SGMS2: variants seen among roughly 807,000 people sequenced by gnomAD.
SGMS2 encodes phosphatidylcholine:ceramide cholinephosphotransferase 2.
SGMS2 carries 21 observed loss-of-function variants against 43.8 expected under a neutral mutation model. The observed-to-expected ratio is 0.48, with a 90% CI of 0.34 to 0.69. The LOEUF (loss-of-function observed/expected upper bound fraction) is 0.69. Among genes scored for constraint, SGMS2 ranks in the 30% least tolerant of loss-of-function variants. The pLI is 0.01. For missense variants in SGMS2, 384 were observed against 443.2 expected (o/e 0.87, Z 1.20); for synonymous variants, 167 against 160.6 (o/e 1.04, Z -0.30).
At position 107,914,209 on chromosome 4, in the gene SGMS2, T is replaced by C. The variant is rs1732311916; in HGVS notation, c.*3656T>C. 1 of 152,122 alleles carries C rather than the reference T, an allele frequency of 6.6e-6. No individual in the cohort carries two copies. The highest frequency in any genetic ancestry group is 1.5e-5 in the Non-Finnish European group (1 of 67,966). The allele number at this position is 152,122 out of a possible 1,614,324, so 9.4% of individuals were successfully genotyped here. A position where few individuals can be genotyped will look rare whatever the true frequency, so the allele number is the denominator to read the frequency against. ...TTCAACACCCAAACACTGAAAATCATGTCAATGTTACCCAAAGATAAGTTT... is the reference window on the plus strand; with the variant it reads ...TTCAACACCCAAACACTGAAAATCACGTCAATGTTACCCAAAGATAAGTTT... On this transcript the variant is annotated 3_prime_UTR_variant, in exon 7 of 7. Transcript: ENST00000690982.
Position 107,912,223 on chromosome 4 carries a change from A to G in SGMS2, c.*1670A>G, listed in dbSNP as rs552335757. ...CAGAATGGCTTTTTCTGTATGTTAT[A>G]GAATAATCACTAAAGGAAAGGTAGT... On this transcript the variant is annotated 3_prime_UTR_variant, in exon 7 of 7. Coordinates refer to ENST00000690982, the MANE Select transcript of SGMS2 (RefSeq NM_001375905.1). The G allele has an allele frequency of 2.0e-5, 3 of 152,316 alleles. No homozygotes were observed. In the South Asian group the frequency reaches 6.2e-4, roughly 32 times the overall value. The allele number at this position is 152,316 out of a possible 1,614,324, so 9.4% of individuals were successfully genotyped here. A position where few individuals can be genotyped will look rare whatever the true frequency, so the allele number is the denominator to read the frequency against.
At chr4:107,833,284 G>A (rs1168878189) in intron 1 of SGMS2, among the ~76,000 whole-genome samples, 5 of 152,120 alleles carry the variant, frequency 3.3e-5, no homozygotes, top group African/African-American at 4.8e-5. Flanking sequence ...AATCTTTATC[G>A]GAGGAGAGTA....
intron 2 of SGMS2, among the ~76,000 whole-genome samples, chr4:107,863,034 A>T (rs1473920799): frequency 6.6e-6 from 1 of 152,210 alleles, no homozygotes; most frequent in Non-Finnish European, 1.5e-5. Context: ...TTACTGGGCA[A>T]ACATGGATAG....
At chr4:107,882,608 C>A (rs1437738396) in intron 2 of SGMS2, among the ~76,000 whole-genome samples, 2 of 152,004 alleles carry the variant, frequency 1.3e-5, no homozygotes, top group African/African-American at 4.8e-5. Context: ...AACAATATTT[C>A]TTAGGGTTGT....
At chr4:107,855,562 G>A (rs887442011) in intron 1 of SGMS2, among the ~76,000 whole-genome samples, 4 of 152,138 alleles carry the variant, frequency 2.6e-5, no homozygotes, top group African/African-American at 9.7e-5. Flanking sequence ...GGATATAATA[G>A]TGACTTTTTT....
At chr4:107,836,598 A>T (rs1298023001) in intron 1 of SGMS2, among the ~76,000 whole-genome samples, 1 of 152,198 alleles carries the variant, frequency 6.6e-6, no homozygotes, top group Non-Finnish European at 1.5e-5. Context: ...GCATCAATAC[A>T]TTTAACTCCT....
chr4:107,896,122 C>T (rs986365164), intron 3 of SGMS2, 114 bp downstream of exon 3: 4 of 945,900 alleles, frequency 4.2e-6, no homozygotes, highest in South Asian at 3.4e-5. Flanking sequence ...CTTACCCAAA[C>T]ATTTGATGAA....
intron 1 of SGMS2, among the ~76,000 whole-genome samples, chr4:107,855,048 C>G (rs1301598508): frequency 6.6e-6 from 1 of 152,042 alleles, no homozygotes; most frequent in African/African-American, 2.4e-5. Context: ...AGTTGAGAGC[C>G]AAATATGCAG....
Position 107,884,159 on chromosome 4 carries a change from C to T in SGMS2, c.-244-11151C>T, listed in dbSNP as rs182286325. On this transcript the variant is annotated intron_variant, in intron 2 of 6. Transcript: ENST00000690982. ...AAAACTAAGCTGTGCTTTCATGAAG[C>T]CCTGTGAACTGAAGCTAGACAACTT... Among the ~76,000 whole-genome samples the T allele has an allele frequency of 1.2e-4, 19 of 152,246 alleles. No homozygotes were observed. In the East Asian group the frequency reaches 2.3e-3, roughly 19 times the overall value.
At chr4:107,857,152 A>G (rs1165382807) in intron 1 of SGMS2, among the ~76,000 whole-genome samples, 1 of 152,214 alleles carries the variant, frequency 6.6e-6, no homozygotes, top group East Asian at 1.9e-4. Context: ...TTCACTTAGA[A>G]TAATGTTGTC....
intron 1 of SGMS2, among the ~76,000 whole-genome samples, chr4:107,830,619 C>G (rs961623982): frequency 1.3e-5 from 2 of 152,082 alleles, no homozygotes; most frequent in African/African-American, 4.8e-5. Context: ...TTGCATTTCT[C>G]TAGTAATTAA....
At chr4:107,887,032 G>T (rs1227468884) in intron 2 of SGMS2, among the ~76,000 whole-genome samples, 3 of 152,116 alleles carry the variant, frequency 2.0e-5, no homozygotes, top group African/African-American at 7.2e-5. Flanking sequence ...TCCTGACTCT[G>T]AAAAACAAAG....
rs535081837 is a variant in SGMS2 at position 107,882,320 on chromosome 4, A to C, written c.-244-12990A>C. Among the ~76,000 whole-genome samples the C allele has an allele frequency of 7.9e-5, 12 of 152,220 alleles. No individual in the cohort carries two copies. In the East Asian group the frequency reaches 1.9e-3, roughly 25 times the overall value. On this transcript the variant is annotated intron_variant, in intron 2 of 6. Coordinates refer to ENST00000690982, the MANE Select transcript of SGMS2 (RefSeq NM_001375905.1). The stretch of plus-strand genomic sequence containing the variant: ...AAGCTGTTTTAACTGGGGTTAGATG[A>C]TATCTCATTGTAGTTTTGATTTGTA...
chr4:107,896,854 C>T (rs1347825759), intron 3 of SGMS2, among the ~76,000 whole-genome samples: 1 of 152,136 alleles, frequency 6.6e-6, no homozygotes, highest in Non-Finnish European at 1.5e-5. Flanking sequence ...TCCTCCTTTC[C>T]TCTCATTCAT....
intron 1 of SGMS2, among the ~76,000 whole-genome samples, chr4:107,848,046 C>T (rs151308113): frequency 6.6e-6 from 1 of 152,228 alleles, no homozygotes; most frequent in East Asian, 1.9e-4. Context: ...TTTCACTGCC[C>T]TAAAAGTCTG....
intron 2 of SGMS2, among the ~76,000 whole-genome samples, chr4:107,887,412 A>G (rs1729845258): frequency 6.6e-6 from 1 of 152,240 alleles, no homozygotes; most frequent in African/African-American, 2.4e-5. Context: ...GATAATGTAC[A>G]TTAAGTCATA....
chr4:107,880,276 G>A (rs989877212), intron 2 of SGMS2, among the ~76,000 whole-genome samples: 3 of 152,088 alleles, frequency 2.0e-5, no homozygotes, highest in Non-Finnish European at 4.4e-5. Context: ...AAAAGATATA[G>A]GACTTAGTTA....
At position 107,824,988 on chromosome 4, in the gene SGMS2, C is replaced by G. The variant is rs1461041449; in HGVS notation, c.-592C>G. ...GGGGAGACCCAGCCCTCGGCGCGCA[C>G]GGAGCCTGGCCGGTGCTGCAGCGCC... On this transcript the variant is annotated 5_prime_UTR_variant, in exon 1 of 7. Transcript: ENST00000690982. 2.6e-5 allele frequency: 4 copies of G among 151,412 alleles called. No individual in the cohort carries two copies. The highest frequency in any genetic ancestry group is 5.9e-5 in the Non-Finnish European group (4 of 67,890). 9.4% of individuals were successfully genotyped at this position (151,412 alleles called of 1,614,324 possible).
Position 107,896,456 on chromosome 4 carries a change from A to G in SGMS2, c.455+448A>G, listed in dbSNP as rs983684444. ...TGATGTCTGTATTGGTCTAGAGTCA[A>G]TAGCCTGCTTTAAGGTTTGCCTAGA... On this transcript the variant is annotated intron_variant, in intron 3 of 6. Transcript: ENST00000690982. Among the ~76,000 whole-genome samples, 3 of 152,184 alleles carry G rather than the reference A, an allele frequency of 2.0e-5. No individual in the cohort carries two copies. In the South Asian group the frequency reaches 6.2e-4, roughly 32 times the overall value.
Sources: allele counts gnomAD v4.1 joint callset (sites outside exome capture counted in the v4.1 genomes callset), GRCh38; gene constraint gnomAD v4.1.1; transcripts MANE v1.5; gene names NCBI Gene and HGNC (gene_info 2026-07-23, HGNC 2026-07-21).